Variants in CPNE8 observed in about 807,000 individuals in gnomAD.
The protein encoded by CPNE8 is copine 8.
In CPNE8, 45 loss-of-function variants were observed where a neutral mutation model predicts 81.5. The observed-to-expected ratio is 0.55, with a 90% CI of 0.44 to 0.71. The LOEUF is 0.71. Ranked by LOEUF, CPNE8 falls within the 30% of genes least tolerant of loss-of-function variation. The probability of loss-of-function intolerance (pLI) is 0.00; values close to 1 mark genes in which losing one functional copy is unlikely to be tolerated. For synonymous variants in CPNE8, 252 were observed against 226.3 expected (o/e 1.11, Z -1.02); for missense variants, 594 against 672.1 (o/e 0.88, Z 1.28).
At chr12:38,720,315 T>G (rs1401831848) in intron 13 of CPNE8, among the ~76,000 whole-genome samples, 1 of 152,204 alleles carries the variant, frequency 6.6e-6, no homozygotes, top group Non-Finnish European at 1.5e-5. Flanking sequence ...CCATTTGCTC[T>G]GATTAGCCCT....
chr12:38,815,470 C>T (rs1043188296), intron 6 of CPNE8, among the ~76,000 whole-genome samples: 3 of 152,166 alleles, frequency 2.0e-5, no homozygotes, highest in Non-Finnish European at 4.4e-5. Flanking sequence ...ATAAAAGATG[C>T]ATGCAAGTAC....
intron 14 of CPNE8, among the ~76,000 whole-genome samples, chr12:38,695,187 C>A (rs1055982983): frequency 1.3e-5 from 2 of 152,188 alleles, no homozygotes; most frequent in African/African-American, 2.4e-5. Context: ...ATTGTAAATT[C>A]TTCCTCTGCA....
intron 6 of CPNE8, among the ~76,000 whole-genome samples, chr12:38,784,979 G>A (rs915473071): frequency 6.6e-6 from 1 of 152,108 alleles, no homozygotes; most frequent in African/African-American, 2.4e-5. Context: ...CAGATCACCT[G>A]AGGTCAGGTG....
At chr12:38,760,212 T>A (rs1230943405) in intron 10 of CPNE8, among the ~76,000 whole-genome samples, 1 of 152,118 alleles carries the variant, frequency 6.6e-6, no homozygotes, top group Admixed American at 6.5e-5. Context: ...TTTGAGCATT[T>A]CTGGGTCCTT....
rs145593716 is a variant in CPNE8 at position 38,812,657 on chromosome 12, G to T, written c.407+16722C>A. Among the ~76,000 whole-genome samples, 507 of 152,250 alleles carry T rather than the reference G, an allele frequency of 3.3e-3. 2 individuals carry two copies. The highest frequency in any genetic ancestry group is 6.0e-3 in the Non-Finnish European group (410 of 68,016). On this transcript the variant is annotated intron_variant, in intron 6 of 19. Coordinates refer to ENST00000331366, the MANE Select transcript of CPNE8 (RefSeq NM_153634.3). ...GGACATGGCCAAACCATATCAGTTG[G>T]GAAGTGGAGCTTTTGGGGAGGTGTT... is the stretch of plus-strand genomic sequence containing the variant.
chr12:38,841,433 A>T (rs527545182), intron 4 of CPNE8, among the ~76,000 whole-genome samples: 40 of 152,304 alleles, frequency 2.6e-4, no homozygotes, highest in African/African-American at 9.6e-4. Flanking sequence ...GAAAAATACA[A>T]TGTGTGACTC....
At chr12:38,793,864 T>C (rs964501609) in intron 6 of CPNE8, among the ~76,000 whole-genome samples, 2 of 152,060 alleles carry the variant, frequency 1.3e-5, no homozygotes, top group Non-Finnish European at 2.9e-5. Context: ...GTTACTAGTA[T>C]AAAGACAAAT....
chr12:38,774,698 G>T (rs1473118627), intron 7 of CPNE8, among the ~76,000 whole-genome samples: 1 of 151,930 alleles, frequency 6.6e-6, no homozygotes, highest in Non-Finnish European at 1.5e-5. Flanking sequence ...AGAGTAAGTA[G>T]TCAAGTGTCT....
At chr12:38,687,374 C>CTTTTT (rs61259310) in intron 15 of CPNE8, among the ~76,000 whole-genome samples, 629 of 58,570 alleles carry the variant, frequency 0.011, 1 homozygote, top group African/African-American at 0.022. Flanking sequence ...CCAAGACTTT[C>CTTTTT]TTTTTTTTTT....
chr12:38,827,013 C>CAA lies in CPNE8; in HGVS notation c.407+2364_407+2365dup, dbSNP rs56670584. On this transcript the variant is annotated intron_variant, in intron 6 of 19. Coordinates refer to ENST00000331366, the MANE Select transcript of CPNE8 (RefSeq NM_153634.3). ...TGAAACCCCGTCTCTACTAAAAATA[C>CAA]AAAAAAAAAAAAAAAAAAATTAGCA... Among the ~76,000 whole-genome samples the CAA allele has an allele frequency of 3.7e-3, 339 of 91,656 alleles. 1 individual carries two copies. Among genetic ancestry groups the CAA allele is most frequent in the Middle Eastern group, 0.024 (4 of 166 alleles). The allele number at this position is 91,656 out of a possible 152,430, so 60.1% of individuals were successfully genotyped here. A position where few individuals can be genotyped will look rare whatever the true frequency, so the allele number is the denominator to read the frequency against.
chr12:38,857,686 G>A (rs962229556), intron 3 of CPNE8, among the ~76,000 whole-genome samples: 1 of 152,288 alleles, frequency 6.6e-6, no homozygotes, highest in Non-Finnish European at 1.5e-5. Context: ...GCCAGGGTGG[G>A]TGGATCACGA....
intron 7 of CPNE8, among the ~76,000 whole-genome samples, chr12:38,774,634 T>A (rs993478732): frequency 6.6e-6 from 1 of 151,942 alleles, no homozygotes; most frequent in Non-Finnish European, 1.5e-5. Context: ...AATAGTCTAG[T>A]GATTAGTTCA....
chr12:38,739,824 C>A (rs1941047833), intron 10 of CPNE8, among the ~76,000 whole-genome samples: 2 of 152,102 alleles, frequency 1.3e-5, no homozygotes, highest in African/African-American at 2.4e-5. Context: ...TACATTTTAA[C>A]ATATGCATTC....
chr12:38,658,807 T>C (rs1185779997), intron 19 of CPNE8, among the ~76,000 whole-genome samples: 1 of 152,144 alleles, frequency 6.6e-6, no homozygotes, highest in Admixed American at 6.5e-5. Context: ...CTAAGCTTCA[T>C]AAGTGAAGGA....
chr12:38,727,441 T>C (rs1035481085), intron 11 of CPNE8, among the ~76,000 whole-genome samples: 3 of 152,162 alleles, frequency 2.0e-5, no homozygotes, highest in African/African-American at 7.2e-5. Flanking sequence ...AACACCACAC[T>C]GTACACCATT....
At chr12:38,758,490 C>T (rs77032710) in intron 10 of CPNE8, among the ~76,000 whole-genome samples, 4,121 of 152,102 alleles carry the variant, frequency 0.027, 172 homozygotes, top group African/African-American at 0.091. Context: ...CCAGGAATTA[C>T]GATTACAATG....
At chr12:38,799,939 C>G (rs1321802233) in intron 6 of CPNE8, among the ~76,000 whole-genome samples, 4 of 151,284 alleles carry the variant, frequency 2.6e-5, no homozygotes, top group Non-Finnish European at 5.9e-5. Context: ...GAATATTGCG[C>G]TTTTCAGACC....
intron 6 of CPNE8, among the ~76,000 whole-genome samples, chr12:38,791,099 T>C (rs1370635653): frequency 6.6e-6 from 1 of 151,764 alleles, no homozygotes; most frequent in African/African-American, 2.4e-5. Flanking sequence ...CCAGTGTCTC[T>C]ATATAGATCG....
chr12:38,730,442 A>T, intron 10 of CPNE8, 84 bp from the exon 11 acceptor site: 1 of 670,504 alleles, frequency 1.5e-6, no homozygotes, highest in Non-Finnish European at 2.5e-6. Flanking sequence ...AGGTTTAATC[A>T]TTATCAAAAA....
Sources: gnomAD v4.1 joint callset for allele counts (sites outside exome capture counted in the v4.1 genomes callset) on GRCh38, gnomAD v4.1.1 for gene constraint, MANE v1.5 for transcripts, NCBI Gene and HGNC (gene_info 2026-07-23, HGNC 2026-07-21) for gene names.